TOP2B: variants seen among roughly 807,000 people sequenced by gnomAD.
TOP2B encodes the protein DNA topoisomerase II beta, also known as DNA topoisomerase 2-beta.
A neutral mutation model predicts 193.5 loss-of-function variants in TOP2B; 51 were observed. The ratio of observed to expected loss-of-function variants is 0.26; its 90% confidence interval spans 0.21 to 0.33. The LOEUF is 0.33. TOP2B is among the 10% of genes least tolerant of loss of function. TOP2B has a pLI of 1.00. For synonymous variants in TOP2B, 634 were observed against 635.7 expected, an observed-to-expected ratio of 1.00 and a Z score of 0.04; for missense variants, 1,378 against 1,909.3, an observed-to-expected ratio of 0.72 and a Z score of 5.19.
chr3:25,633,748 T>G, intron 8 of TOP2B, 93 bp downstream of exon 8: 1 of 1,171,942 alleles, frequency 8.5e-7, no homozygotes. Flanking sequence ...GATTTGGGTT[T>G]TTTGGGGGTT....
intron 1 of TOP2B, among the ~76,000 whole-genome samples, chr3:25,663,108 T>C (rs758023680): frequency 1.4e-4 from 21 of 152,316 alleles, no homozygotes; most frequent in Admixed American, 6.5e-4. Context: ...GCAAGTTATT[T>C]TGCAATGTAC....
intron 4 of TOP2B, among the ~76,000 whole-genome samples, chr3:25,638,975 GA>G (rs1339981502): frequency 6.6e-6 from 1 of 152,092 alleles, no homozygotes; most frequent in Non-Finnish European, 1.5e-5. Flanking sequence ...GAAAAAAATT[GA>G]AAATCTAAAT....
intron 23 of TOP2B, among the ~76,000 whole-genome samples, chr3:25,619,265 G>A (rs1038689290): frequency 6.7e-6 from 1 of 149,720 alleles, no homozygotes; most frequent in Non-Finnish European, 1.5e-5. Context: ...CCTTTCTCTC[G>A]CTTTCACATT....
intron 13 of TOP2B, 90 bp downstream of exon 13, chr3:25,629,939 C>G (rs1575575129): frequency 7.5e-7 from 1 of 1,333,264 alleles, no homozygotes; most frequent in East Asian, 2.5e-5. Context: ...TTCAGTTATA[C>G]CATCTTCGGG....
Position 25,630,811 on chromosome 3 carries a change from A to G in TOP2B, c.1395T>C (p.Ala465=). The G allele has an allele frequency of 1.3e-6, 2 of 1,567,858 alleles. No individual in the cohort carries two copies. Among genetic ancestry groups the G allele is most frequent in the Non-Finnish European group, 1.7e-6 (2 of 1,163,522 alleles). ...AAATATCAATCTTACCAGCATCATT[A>G]GCATCATCCAGTTTGGGAATACCTT... ...KIKGIPKLDD[A]NDAGGKHSLE... is the part of the protein sequence containing the mutation. The change falls in exon 11 of 36, where the codon GCT becomes GCC. Residue 465 remains alanine (A), a synonymous_variant. Coordinates refer to ENST00000264331, the MANE Select transcript of TOP2B (RefSeq NM_001330700.2).
At chr3:25,627,142 T>C in intron 16 of TOP2B, 45 bp downstream of exon 16, 3 of 1,338,044 alleles carry the variant, frequency 2.2e-6, no homozygotes, top group Non-Finnish European at 1.1e-6. Context: ...GAATAGAAGG[T>C]AGGGGGATGG....
At chr3:25,609,037 T>C (rs2364586) in intron 30 of TOP2B, 146 bp downstream of exon 30, 158,661 of 529,286 alleles carry the variant, frequency 0.3, 25,093 homozygotes, top group African/African-American at 0.46. Flanking sequence ...CTAGAAAGAC[T>C]GTTCTATAAG....
intron 1 of TOP2B, among the ~76,000 whole-genome samples, chr3:25,649,287 C>G (rs1375643897): frequency 6.6e-6 from 1 of 151,954 alleles, no homozygotes; most frequent in Non-Finnish European, 1.5e-5. Flanking sequence ...ATTATGTAAG[C>G]CTCAAAGGAG....
chr3:25,609,371 A>G, intron 29 of TOP2B, 27 bp from the exon 30 acceptor site: 1 of 1,541,100 alleles, frequency 6.5e-7, no homozygotes, highest in Non-Finnish European at 8.8e-7. Context: ...GCAATAAGGT[A>G]TGTATCCATA....
At position 25,601,313 on chromosome 3, in the gene TOP2B, G is replaced by A. The variant is rs1702088446; in HGVS notation, c.4490-88C>T. 2.1e-6 allele frequency: 3 copies of A among 1,443,016 alleles called. No individual in the cohort carries two copies. The East Asian group carries it at 7.4e-5, about 35-fold the overall frequency. 89.4% of individuals were successfully genotyped at this position (1,443,016 alleles called of 1,614,324 possible). On this transcript the variant is annotated intron_variant, in intron 33 of 35. Transcript: ENST00000264331. ...TCCTATATAAATGGAATTTCTTATA[G>A]CTGATTAGAAACTGAGTTGCCTGGC...
Position 25,664,587 on chromosome 3 carries a change from T to C in TOP2B, c.-290A>G. 1 of 1,023,914 alleles carries C rather than the reference T, an allele frequency of 9.8e-7. No homozygotes were observed. The highest frequency in any genetic ancestry group is 1.7e-5 in the African/African-American group (1 of 58,028). 63.4% of individuals were successfully genotyped at this position (1,023,914 alleles called of 1,614,324 possible). The stretch of plus-strand genomic sequence containing the variant: ...GACCGGCGGCGGCCGAGCGGCGGCG[T>C]TGCCTTCTCGCCCGCCCGCGGGCGC... On this transcript the variant is annotated 5_prime_UTR_variant, in exon 1 of 36. Transcript: ENST00000264331.
Position 25,642,314 on chromosome 3 carries a change from A to G in TOP2B, c.395+8T>C. On this transcript the variant is annotated splice_region_variant and intron_variant, in intron 4 of 35. Transcript: ENST00000264331. ...TAGCATAAAAAATTAAACTTTAAAT[A>G]TACTTACGGATCAATAGAAACTTTA... is the stretch of plus-strand genomic sequence containing the variant. The G allele has an allele frequency of 6.6e-7, 1 of 1,512,256 alleles. No individual in the cohort carries two copies. Among genetic ancestry groups the G allele is most frequent in the Non-Finnish European group, 9.0e-7 (1 of 1,115,920 alleles). 93.7% of individuals were successfully genotyped at this position (1,512,256 alleles called of 1,614,324 possible). A position where few individuals can be genotyped will look rare whatever the true frequency, so the allele number is the denominator to read the frequency against.
rs1702565822 is a variant in TOP2B, at chr3:25,618,316, C to T, written c.3351+102G>A. 4 of 771,032 alleles carry T rather than the reference C, an allele frequency of 5.2e-6. 1 individual carries two copies. In the South Asian group the frequency reaches 6.3e-5, roughly 12 times the overall value. 47.8% of individuals were successfully genotyped at this position (771,032 alleles called of 1,614,324 possible). On this transcript the variant is annotated intron_variant, in intron 25 of 35. Coordinates refer to ENST00000264331, the MANE Select transcript of TOP2B (RefSeq NM_001330700.2). ...TAGTCTCTAAATAGACAACTCAGCA[C>T]CTTTAGTAGTACTAAATTTAAAATT...
intron 4 of TOP2B, among the ~76,000 whole-genome samples, chr3:25,640,737 T>A (rs1046340458): frequency 6.7e-6 from 1 of 149,668 alleles, no homozygotes; most frequent in African/African-American, 2.4e-5. Context: ...GTCTTATAGC[T>A]CACTTCTTCG....
intron 1 of TOP2B, among the ~76,000 whole-genome samples, chr3:25,661,436 G>C (rs1312753579): frequency 1.3e-5 from 2 of 152,124 alleles, no homozygotes; most frequent in Non-Finnish European, 2.9e-5. Context: ...TTGGGAAAAA[G>C]ATTAAGTCAT....
chr3:25,645,946 T>C (rs1364808870), intron 1 of TOP2B, among the ~76,000 whole-genome samples: 2 of 149,912 alleles, frequency 1.3e-5, no homozygotes, highest in African/African-American at 5.0e-5. Flanking sequence ...TTTTTTTGTA[T>C]TTTTAGTAGA....
chr3:25,645,290 CAAT>C lies in TOP2B; in HGVS notation c.240+7_240+9del, dbSNP rs935055309. The C allele has an allele frequency of 6.6e-7, 1 of 1,515,296 alleles. No homozygotes were observed. Among genetic ancestry groups the C allele is most frequent in the African/African-American group, 1.4e-5 (1 of 71,534 alleles). The allele number at this position is 1,515,296 out of a possible 1,614,324, so 93.9% of individuals were successfully genotyped here. A position where few individuals can be genotyped will look rare whatever the true frequency, so the allele number is the denominator to read the frequency against. Reference sequence around the variant, plus strand: ...ATCTCCTAATTTCAATCAATTTTAGCAATAATTACCTGCGTCAATGGCTCCACT... The same window carrying C: ...ATCTCCTAATTTCAATCAATTTTAGCAATTACCTGCGTCAATGGCTCCACT... On this transcript the variant is annotated splice_region_variant and intron_variant, in intron 2 of 35. Coordinates refer to ENST00000264331, the MANE Select transcript of TOP2B (RefSeq NM_001330700.2).
chr3:25,604,715 ACTATCT>A, intron 33 of TOP2B, 39 bp downstream of exon 33: 1 of 1,383,246 alleles, frequency 7.2e-7, no homozygotes, highest in South Asian at 1.3e-5. Flanking sequence ...TTTTACATTA[ACTATCT>A]CTATCCAATG....
At chr3:25,647,173 A>G (rs888386637) in intron 1 of TOP2B, among the ~76,000 whole-genome samples, 2 of 152,204 alleles carry the variant, frequency 1.3e-5, no homozygotes, top group Non-Finnish European at 2.9e-5. Context: ...TTCTAATCGT[A>G]TTCTTTGCTT....
Sources: gnomAD v4.1 joint callset for allele counts (sites outside exome capture counted in the v4.1 genomes callset) on GRCh38, gnomAD v4.1.1 for gene constraint, MANE v1.5 for transcripts, NCBI Gene and HGNC (gene_info 2026-07-23, HGNC 2026-07-21) for gene names.